The following SYT1 variants were observed in gnomAD, a reference collection of about 807,000 sequenced individuals.
SYT1 encodes synaptotagmin 1, also known as synaptotagmin-1.
SYT1 carries 8 observed loss-of-function variants against 44.8 expected under a neutral mutation model. The ratio of observed to expected loss-of-function variants is 0.18; its 90% CI spans 0.10 to 0.32. The LOEUF (loss-of-function observed/expected upper bound fraction) is 0.32. SYT1 is among the 10% of genes least tolerant of loss of function. The probability of loss-of-function intolerance (pLI) is 1.00; values close to 1 mark genes in which losing one functional copy is unlikely to be tolerated. For missense variants in SYT1, 286 were observed against 509.3 expected (o/e 0.56, Z 4.22); for synonymous variants, 154 against 188.8 (o/e 0.82, Z 1.51).
chr12:79,123,309 A>ATGTGTGTG (rs66869713), intron 3 of SYT1, among the ~76,000 whole-genome samples: 7,172 of 141,546 alleles, frequency 0.051, 204 homozygotes, highest in Non-Finnish European at 0.068. Flanking sequence ...TAAAAATGCA[A>ATGTGTGTG]TGTGTGTGTG....
intron 1 of SYT1, among the ~76,000 whole-genome samples, chr12:78,972,809 A>T (rs1592619777): frequency 1.3e-5 from 2 of 152,132 alleles, no homozygotes; most frequent in Middle Eastern, 6.8e-3. Context: ...GGCTTAAGTT[A>T]TATCCCCACC....
intron 4 of SYT1, among the ~76,000 whole-genome samples, chr12:79,223,511 G>A (rs1449601770): frequency 6.6e-6 from 1 of 152,196 alleles, no homozygotes; most frequent in Non-Finnish European, 1.5e-5. Context: ...GCAGACCAAA[G>A]CCTGGGACAG....
chr12:78,972,538 AAT>A (rs1254279670), intron 1 of SYT1, among the ~76,000 whole-genome samples: 32 of 136,120 alleles, frequency 2.4e-4, no homozygotes, highest in Middle Eastern at 3.7e-3. Context: ...GCAAAAAAAA[AAT>A]ATATATATAT....
At chr12:78,999,425 GCT>G (rs1870589029) in intron 2 of SYT1, among the ~76,000 whole-genome samples, 2 of 152,154 alleles carry the variant, frequency 1.3e-5, no homozygotes, top group Non-Finnish European at 2.9e-5. Context: ...GACTAATAGT[GCT>G]GACCAAAACC....
chr12:78,870,117 A>C (rs1462920), intron 1 of SYT1, among the ~76,000 whole-genome samples: 64,911 of 151,858 alleles, frequency 0.43, 16,173 homozygotes, highest in Admixed American at 0.57. Context: ...ATTCGGTGAA[A>C]CTACTTGGTT....
chr12:79,350,764 A>G (rs1467200376), intron 8 of SYT1, among the ~76,000 whole-genome samples: 2 of 152,196 alleles, frequency 1.3e-5, no homozygotes, highest in Non-Finnish European at 2.9e-5. Context: ...GGGAAAGCAT[A>G]TACTTAAACC....
At chr12:79,350,996 A>G (rs1170594542) in intron 8 of SYT1, among the ~76,000 whole-genome samples, 3 of 152,204 alleles carry the variant, frequency 2.0e-5, no homozygotes, top group African/African-American at 7.2e-5. Context: ...TACACATTCA[A>G]TTTGGCATAT....
At chr12:79,125,617 CA>C (rs5799411) in intron 3 of SYT1, among the ~76,000 whole-genome samples, 3,438 of 92,646 alleles carry the variant, frequency 0.037, 101 homozygotes, top group South Asian at 0.15. Context: ...AAGCCCCTGT[CA>C]AAAAAAAAAA....
chr12:78,865,564 TGGGGG>T (rs56184328), intron 1 of SYT1, among the ~76,000 whole-genome samples: 1 of 145,830 alleles, frequency 6.9e-6, no homozygotes, highest in African/African-American at 2.5e-5. Flanking sequence ...GAGAGGGATA[TGGGGG>T]GGGGGGGGAA....
intron 1 of SYT1, among the ~76,000 whole-genome samples, chr12:78,902,821 C>A (rs1388763766): frequency 2.0e-5 from 3 of 152,066 alleles, no homozygotes; most frequent in African/African-American, 4.8e-5. Flanking sequence ...ACATCTGATA[C>A]TCATGAAATT....
chr12:79,352,112 A>G (rs187971972), intron 8 of SYT1, among the ~76,000 whole-genome samples: 2 of 151,998 alleles, frequency 1.3e-5, no homozygotes, highest in African/African-American at 4.8e-5. Context: ...TCTCCCTCAC[A>G]CATTGAATGT....
At chr12:78,880,564 T>C (rs1874399223) in intron 1 of SYT1, among the ~76,000 whole-genome samples, 1 of 151,700 alleles carries the variant, frequency 6.6e-6, no homozygotes, top group Non-Finnish European at 1.5e-5. Flanking sequence ...CACATATTTG[T>C]TGTTCCATAA....
At chr12:79,303,695 T>G (rs1009155971) in intron 8 of SYT1, among the ~76,000 whole-genome samples, 1 of 152,174 alleles carries the variant, frequency 6.6e-6, no homozygotes, top group Admixed American at 6.5e-5. Context: ...TTTCACATTT[T>G]TAAGCCTAAT....
chr12:78,994,409 G>A (rs1304525705), intron 2 of SYT1, among the ~76,000 whole-genome samples: 1 of 150,312 alleles, frequency 6.7e-6, no homozygotes, highest in Non-Finnish European at 1.5e-5. Context: ...TCTGCCTATT[G>A]TTCTGCCTAG....
chr12:78,937,099 G>C (rs2137234512), intron 1 of SYT1, among the ~76,000 whole-genome samples: 1 of 152,276 alleles, frequency 6.6e-6, no homozygotes, highest in Non-Finnish European at 1.5e-5. Flanking sequence ...GTTTTCTAAA[G>C]CAAATGCTCT....
intron 1 of SYT1, among the ~76,000 whole-genome samples, chr12:78,915,107 G>A (rs1876571667): frequency 6.6e-6 from 1 of 151,996 alleles, no homozygotes; most frequent in Non-Finnish European, 1.5e-5. Flanking sequence ...TGTCATCAGA[G>A]AGATGCTTTA....
chr12:78,924,185 C>T (rs1877169366), intron 1 of SYT1, among the ~76,000 whole-genome samples: 1 of 151,802 alleles, frequency 6.6e-6, no homozygotes, highest in Admixed American at 6.6e-5. Context: ...ATCAGAAGGC[C>T]CATGGTATTC....
intron 1 of SYT1, among the ~76,000 whole-genome samples, chr12:78,939,998 A>G (rs775602151): frequency 2.6e-5 from 4 of 152,072 alleles, no homozygotes; most frequent in Admixed American, 6.6e-5. Flanking sequence ...TTTCTTTTTG[A>G]TTCCTTTATT....
At chr12:78,924,332 G>A (rs1426038367) in intron 1 of SYT1, among the ~76,000 whole-genome samples, 1 of 151,806 alleles carries the variant, frequency 6.6e-6, no homozygotes, top group East Asian at 1.9e-4. Context: ...CCTCTGTAAT[G>A]AAAAATATAT....
Sources: gnomAD v4.1 joint callset for allele counts (sites outside exome capture counted in the v4.1 genomes callset) on GRCh38, gnomAD v4.1.1 for gene constraint, MANE v1.5 for transcripts, NCBI Gene and HGNC (gene_info 2026-07-23, HGNC 2026-07-21) for gene names.